The following SOS1 variants were observed in gnomAD, a reference collection of about 807,000 sequenced individuals.
SOS1 encodes son of sevenless homolog 1.
A neutral mutation model predicts 157.6 loss-of-function variants in SOS1; 25 were observed. The observed-to-expected ratio is 0.16, with a 90% CI of 0.12 to 0.22. The LOEUF is 0.22. Among genes scored for constraint, SOS1 ranks in the 10% least tolerant of loss-of-function variants. The pLI is 1.00. For synonymous variants in SOS1, 528 were observed against 534.0 expected, an observed-to-expected ratio of 0.99 and a Z score of 0.16; for missense variants, 1,237 against 1,599.1, an observed-to-expected ratio of 0.77 and a Z score of 3.86.
intron 6 of SOS1, among the ~76,000 whole-genome samples, chr2:39,036,408 T>C (rs960380055): frequency 6.6e-5 from 10 of 152,130 alleles, no homozygotes; most frequent in African/African-American, 1.9e-4. Flanking sequence ...TAGAGTGCCG[T>C]AGTGCAATCT....
At chr2:39,045,273 A>AGAGAGTGTGTGTGTGTGT (rs138343013) in intron 6 of SOS1, among the ~76,000 whole-genome samples, 29 of 108,082 alleles carry the variant, frequency 2.7e-4, no homozygotes, top group Non-Finnish European at 4.2e-4. Flanking sequence ...AGAGAGAGAG[A>AGAGAGTGTGTGTGTGTGT]GTGTGTGTGT....
chr2:39,061,542 A>G (rs1397669091), intron 2 of SOS1, among the ~76,000 whole-genome samples: 1 of 152,030 alleles, frequency 6.6e-6, no homozygotes, highest in East Asian at 1.9e-4. Context: ...TACGTGCACC[A>G]TGCCCAGCTA....
In SOS1 at chr2:39,120,342, C is replaced by G; in HGVS notation, c.81G>C (p.Leu27=). ...PKWRGLLVPA[L]KKVQGQVHPT... is the part of the protein sequence containing the mutation. ...GGTCCCGCGTGCTCCTCACCTTTTT[C>G]AGCGCAGGCACCAGTAGTCCCCGCC... Residue 27 remains leucine (L), a synonymous_variant, in exon 1 of 23, where the codon CTG becomes CTC. Transcript: ENST00000402219. The G allele has an allele frequency of 6.3e-7, 1 of 1,584,798 alleles. No individual in the cohort carries two copies. Among genetic ancestry groups the G allele is most frequent in the Non-Finnish European group, 8.6e-7 (1 of 1,166,166 alleles).
intron 1 of SOS1, among the ~76,000 whole-genome samples, chr2:39,106,054 C>CA (rs1016718022): frequency 1.3e-5 from 2 of 151,692 alleles, no homozygotes; most frequent in African/African-American, 4.8e-5. Flanking sequence ...CTGTCTCTAA[C>CA]AAAAAATACA....
At chr2:39,091,780 C>T (rs572955602) in intron 1 of SOS1, among the ~76,000 whole-genome samples, 16 of 152,198 alleles carry the variant, frequency 1.1e-4, no homozygotes, top group Admixed American at 1.0e-3. Context: ...GACTAAATCC[C>T]TGCCCGCATC....
At chr2:39,117,408 ATAGGACT>A (rs1673694634) in intron 1 of SOS1, among the ~76,000 whole-genome samples, 2 of 152,192 alleles carry the variant, frequency 1.3e-5, no homozygotes, top group Admixed American at 1.3e-4. Flanking sequence ...AATAGATAAG[ATAGGACT>A]TAGACTCATA....
In SOS1 at chr2:39,010,561, A is replaced by G. The variant is rs566127008; in HGVS notation, c.2510+23T>C. 23 of 1,602,876 alleles carry G rather than the reference A, an allele frequency of 1.4e-5. No homozygotes were observed. The South Asian group carries it at 2.1e-4, about 15-fold the overall frequency. On this transcript the variant is annotated intron_variant, in intron 15 of 22. Transcript: ENST00000402219. ...ATAACATAGCTGACAGCTATAAAAT[A>G]TAAGAATGCTAGGAATACTTACTTC...
At chr2:39,059,995 G>A (rs897770131) in intron 2 of SOS1, among the ~76,000 whole-genome samples, 1 of 152,034 alleles carries the variant, frequency 6.6e-6, no homozygotes, top group South Asian at 2.1e-4. Flanking sequence ...GCAGTAAAAC[G>A]CAATACAAAG....
intron 6 of SOS1, among the ~76,000 whole-genome samples, chr2:39,040,923 C>T (rs1393494674): frequency 6.6e-6 from 1 of 152,202 alleles, no homozygotes; most frequent in African/African-American, 2.4e-5. Context: ...AGCAAACTGT[C>T]TGCCAAGCAG....
At chr2:39,102,136 C>T (rs911674238) in intron 1 of SOS1, among the ~76,000 whole-genome samples, 1 of 129,372 alleles carries the variant, frequency 7.7e-6, no homozygotes, top group African/African-American at 2.9e-5. Context: ...ACCTGGGAGG[C>T]AGAGGTTGCA....
chr2:38,995,716 T>G (rs922105125), intron 19 of SOS1, among the ~76,000 whole-genome samples: 2 of 152,212 alleles, frequency 1.3e-5, no homozygotes, highest in Admixed American at 6.5e-5. Flanking sequence ...ACAGACTATT[T>G]TGAGCAAATT....
intron 10 of SOS1, among the ~76,000 whole-genome samples, chr2:39,016,988 G>A (rs1422109087): frequency 1.3e-5 from 2 of 152,084 alleles, no homozygotes; most frequent in Non-Finnish European, 2.9e-5. Flanking sequence ...TGATTATAAT[G>A]CTGGGAAAGC....
At chr2:39,091,029 T>C (rs1672575544) in intron 1 of SOS1, among the ~76,000 whole-genome samples, 1 of 152,114 alleles carries the variant, frequency 6.6e-6, no homozygotes, top group Non-Finnish European at 1.5e-5. Context: ...CCACCACACC[T>C]GGCTAATTTT....
chr2:39,023,744 C>T (rs964787099), intron 9 of SOS1: 9 of 396,192 alleles, frequency 2.3e-5, no homozygotes, highest in African/African-American at 1.0e-4. Flanking sequence ...TAAATCTACC[C>T]GATACATTTT....
chr2:39,024,262 A>C lies in SOS1; in HGVS notation c.1075-125T>G, dbSNP rs1243310276. 11 of 798,514 alleles carry C rather than the reference A, an allele frequency of 1.4e-5. No homozygotes were observed. The East Asian group carries it at 2.9e-4, about 21-fold the overall frequency. 49.5% of individuals were successfully genotyped at this position (798,514 alleles called of 1,614,324 possible). A position where few individuals can be genotyped will look rare whatever the true frequency, so the allele number is the denominator to read the frequency against. On this transcript the variant is annotated intron_variant, in intron 8 of 22. Coordinates refer to ENST00000402219, the MANE Select transcript of SOS1 (RefSeq NM_005633.4). ...CAATAAAAATTTTAAATGTGTCATC[A>C]AATATTCTTTTTAAAAGTGTTTTTC... is the stretch of plus-strand genomic sequence containing the variant.
At chr2:38,991,045 G>A (rs573292211) in intron 20 of SOS1, among the ~76,000 whole-genome samples, 3 of 152,110 alleles carry the variant, frequency 2.0e-5, no homozygotes, top group African/African-American at 7.2e-5. Flanking sequence ...AATCCTATGG[G>A]AAGTTTTTAA....
intron 1 of SOS1, among the ~76,000 whole-genome samples, chr2:39,108,188 A>C (rs1018267132): frequency 6.6e-6 from 1 of 152,048 alleles, no homozygotes; most frequent in Non-Finnish European, 1.5e-5. Flanking sequence ...ACTTTTCTCC[A>C]TCCCCACAGC....
At chr2:39,010,429 T>A (rs905968204) in intron 15 of SOS1, among the ~76,000 whole-genome samples, 155 bp downstream of exon 15, 6 of 151,888 alleles carry the variant, frequency 4.0e-5, no homozygotes, top group South Asian at 2.1e-4. Context: ...CGCTTGAGCC[T>A]GGGAGGTGGA....
At chr2:39,081,581 T>G (rs1162949801) in intron 1 of SOS1, among the ~76,000 whole-genome samples, 1 of 149,076 alleles carries the variant, frequency 6.7e-6, no homozygotes, top group Non-Finnish European at 1.5e-5. Flanking sequence ...TCCCGGCACT[T>G]TGGGAGGCCA....
Sources: gnomAD v4.1 joint callset for allele counts (sites outside exome capture counted in the v4.1 genomes callset) on GRCh38, gnomAD v4.1.1 for gene constraint, MANE v1.5 for transcripts, NCBI Gene and HGNC (gene_info 2026-07-23, HGNC 2026-07-21) for gene names.